DGKD: variants seen among roughly 807,000 people sequenced by gnomAD.
DGKD encodes DAG kinase delta.
In DGKD, 68 loss-of-function variants were observed where a neutral mutation model predicts 154.4. The ratio of observed to expected loss-of-function variants is 0.44; its 90% confidence interval spans 0.36 to 0.54. The LOEUF (loss-of-function observed/expected upper bound fraction) is 0.54, where lower values mean the gene tolerates loss of function less well. DGKD is among the 20% of genes least tolerant of loss of function. The pLI, the probability that DGKD is intolerant of heterozygous loss-of-function variation, is 0.00. For missense variants in DGKD, 1,343 were observed against 1,593.6 expected (o/e 0.84, Z 2.68); for synonymous variants, 693 against 638.0 (o/e 1.09, Z -1.30).
intron 10 of DGKD, among the ~76,000 whole-genome samples, chr2:233,443,930 G>A (rs992345182): frequency 6.6e-6 from 1 of 152,152 alleles, no homozygotes; most frequent in Non-Finnish European, 1.5e-5. Flanking sequence ...CCGCCTCGGG[G>A]TTTCTTGTCT....
intron 3 of DGKD, among the ~76,000 whole-genome samples, chr2:233,396,090 C>T (rs571630030): frequency 4.6e-5 from 7 of 152,228 alleles, no homozygotes; most frequent in South Asian, 2.1e-4. Flanking sequence ...TAGTGAGCTC[C>T]GAGAACATAG....
At chr2:233,355,623 G>C (rs548814097) in intron 1 of DGKD, among the ~76,000 whole-genome samples, 59 of 152,316 alleles carry the variant, frequency 3.9e-4, no homozygotes, top group African/African-American at 1.4e-3. Context: ...TGATACCTGC[G>C]ATGGGGGAAC....
intron 3 of DGKD, among the ~76,000 whole-genome samples, chr2:233,418,727 C>T (rs904002003): frequency 5.3e-5 from 8 of 152,096 alleles, no homozygotes; most frequent in Non-Finnish European, 1.0e-4. Context: ...CCCCCTCCTT[C>T]CCCCCAAAGC....
intron 3 of DGKD, among the ~76,000 whole-genome samples, chr2:233,401,258 A>T (rs761845884): frequency 4.6e-5 from 7 of 152,114 alleles, no homozygotes; most frequent in Non-Finnish European, 1.0e-4. Flanking sequence ...TGTAGGCATG[A>T]TATATGTGTT....
rs1219942720 is a variant in DGKD at position 233,441,782 on chromosome 2, G to C, written c.1086-105G>C. 19 of 1,032,024 alleles carry C rather than the reference G, an allele frequency of 1.8e-5. No homozygotes were observed. In the African/African-American group the frequency reaches 2.7e-4, roughly 15 times the overall value. The allele number at this position is 1,032,024 out of a possible 1,614,324, so 63.9% of individuals were successfully genotyped here. A position where few individuals can be genotyped will look rare whatever the true frequency, so the allele number is the denominator to read the frequency against. ...TGTGCGTGCTCTGCCTCTGGTGCAG[G>C]TCAGCCATGAGGAGCACAGGTGGCC... On this transcript the variant is annotated intron_variant, in intron 9 of 29. Transcript: ENST00000264057. The surrounding 1 kb of genome is among the most constrained non-coding windows in gnomAD (Gnocchi z 5.6).
intron 3 of DGKD, chr2:233,419,220 C>T (rs1214933055): frequency 2.0e-6 from 2 of 985,582 alleles, no homozygotes; most frequent in Non-Finnish European, 2.4e-6. Context: ...TCATCCTGCC[C>T]CCAGCACCGT....
chr2:233,360,757 A>G (rs189138287), intron 1 of DGKD, among the ~76,000 whole-genome samples: 52 of 152,296 alleles, frequency 3.4e-4, no homozygotes, highest in Non-Finnish European at 5.9e-4. Flanking sequence ...TGGTTTCTTT[A>G]TAAGAGGAAG....
Position 233,449,487 on chromosome 2 carries a change from G to A in DGKD, c.1888+111G>A. 1 of 1,405,380 alleles carries A rather than the reference G, an allele frequency of 7.1e-7. No individual in the cohort carries two copies. The highest frequency in any genetic ancestry group is 2.5e-5 in the East Asian group (1 of 39,922). 87.1% of individuals were successfully genotyped at this position (1,405,380 alleles called of 1,614,324 possible). ...GGTGCATGTTGAGAAAACCTCCACT[G>A]CGGCCCTCTCCACCCATGTCCAGGC... On this transcript the variant is annotated intron_variant, in intron 15 of 29. Coordinates refer to ENST00000264057, the MANE Select transcript of DGKD (RefSeq NM_152879.3). The surrounding 1 kb of genome is among the most constrained non-coding windows in gnomAD (Gnocchi z 5.3).
intron 10 of DGKD, among the ~76,000 whole-genome samples, chr2:233,443,379 GATTATTGTTAC>G (rs531805984): frequency 6.6e-6 from 1 of 151,976 alleles, no homozygotes; most frequent in Non-Finnish European, 1.5e-5. Flanking sequence ...GGTGTGTGAG[GATTATTGTTAC>G]ATTAACTTCT....
chr2:233,435,981 C>T (rs1259956630), intron 6 of DGKD, 57 bp downstream of exon 6: 5 of 1,498,650 alleles, frequency 3.3e-6, no homozygotes, highest in African/African-American at 1.4e-5. Context: ...ACCTGCACGG[C>T]CCCATGCAAG....
intron 3 of DGKD, among the ~76,000 whole-genome samples, chr2:233,411,707 T>G (rs1027039405): frequency 3.3e-5 from 5 of 152,192 alleles, no homozygotes; most frequent in Admixed American, 1.3e-4. Context: ...AAATGGCTCA[T>G]TCTTCTAGTA....
At position 233,469,698 on chromosome 2, in the gene DGKD, C is replaced by T. The variant is rs772425160; in HGVS notation, c.*238C>T. The T allele has an allele frequency of 3.8e-6, 2 of 532,278 alleles. 1 individual carries two copies. The highest frequency in any genetic ancestry group is 4.7e-5 in the South Asian group (2 of 42,856). 33.0% of individuals were successfully genotyped at this position (532,278 alleles called of 1,614,324 possible). On this transcript the variant is annotated 3_prime_UTR_variant, in exon 30 of 30. Transcript: ENST00000264057. ...GCTACCTTTGAAACAACACTTTCTC[C>T]AGCTCAGAGTCACCTGGGGCACATG... is the stretch of plus-strand genomic sequence containing the variant.
At chr2:233,450,166 G>A (rs943290358) in intron 16 of DGKD, 35 bp downstream of exon 16, 10 of 1,567,658 alleles carry the variant, frequency 6.4e-6, no homozygotes, top group Admixed American at 5.5e-5. Context: ...GCGCACCGTC[G>A]TGTGCTTGGT....
At position 233,469,465 on chromosome 2, in the gene DGKD, T is replaced by C. The variant is rs1212132298; in HGVS notation, c.*5T>C. ...GCCCCCGCCGTCGAGGCCTAGCCTC[T>C]GTCCTCTCAGCCTGTGGCCTCCACA... On this transcript the variant is annotated 3_prime_UTR_variant, in exon 30 of 30. Coordinates refer to ENST00000264057, the MANE Select transcript of DGKD (RefSeq NM_152879.3). 3 of 1,591,782 alleles carry C rather than the reference T, an allele frequency of 1.9e-6. No homozygotes were observed. Among genetic ancestry groups the C allele is most frequent in the Non-Finnish European group, 2.6e-6 (3 of 1,170,168 alleles).
At chr2:233,436,786 C>T (rs904699559) in intron 7 of DGKD, among the ~76,000 whole-genome samples, 1 of 152,242 alleles carries the variant, frequency 6.6e-6, no homozygotes, top group Admixed American at 6.5e-5. Context: ...GCTGTAGAGG[C>T]CATTTGGAGC....
At position 233,439,157 on chromosome 2, in the gene DGKD, G is replaced by A. The variant is rs966655635; in HGVS notation, c.1085+778G>A. Among the ~76,000 whole-genome samples the A allele has an allele frequency of 5.9e-5, 9 of 152,226 alleles. No homozygotes were observed. The East Asian group carries it at 9.6e-4, about 16-fold the overall frequency. Reference sequence around the variant, plus strand: ...CCTCTGGAAGCATCAGTTCCAGGTCGGAGCTCTAAGAGGACTTGCTGGCAC... The same window carrying A: ...CCTCTGGAAGCATCAGTTCCAGGTCAGAGCTCTAAGAGGACTTGCTGGCAC... On this transcript the variant is annotated intron_variant, in intron 9 of 29. Transcript: ENST00000264057.
rs749407841 is a variant in DGKD at position 233,451,979 on chromosome 2, T to C, written c.2183T>C (p.Met728Thr). Reference protein sequence around the residue: ...KILYPNVRAGMSGSLPGGSVI... With the variant: ...KILYPNVRAGTSGSLPGGSVI... Reference sequence around the variant, plus strand: ...TCCTTTACAGATGTCCGGGCTGGAATGTCTGGTTCCTTACCCGGTGGCTCA... The same window carrying C: ...TCCTTTACAGATGTCCGGGCTGGAACGTCTGGTTCCTTACCCGGTGGCTCA... Residue 728 changes from methionine (M) to threonine (T), a missense_variant, in exon 18 of 30, where the codon ATG becomes ACG. By Grantham distance (81) the Met-to-Thr change is moderately conservative. Coordinates refer to ENST00000264057, the MANE Select transcript of DGKD (RefSeq NM_152879.3). 1.9e-6 allele frequency: 3 copies of C among 1,614,026 alleles called. No individual in the cohort carries two copies. The highest frequency in any genetic ancestry group is 2.5e-6 in the Non-Finnish European group (3 of 1,179,898).
rs781486741 is a variant in DGKD at position 233,451,964 on chromosome 2, A to G, written c.2168A>G (p.Asn723Ser). 1.9e-5 allele frequency: 31 copies of G among 1,613,872 alleles called. No individual in the cohort carries two copies. The highest frequency in any genetic ancestry group is 2.6e-5 in the Non-Finnish European group (31 of 1,179,820). Residue 723 changes from asparagine to serine, a missense_variant and splice_region_variant, in exon 18 of 30, where the codon AAT (asparagine) becomes AGT (serine). By Grantham distance (46) the Asn-to-Ser change is conservative (BLOSUM62 1). Coordinates refer to ENST00000264057, the MANE Select transcript of DGKD (RefSeq NM_152879.3). ...CCTCTTTCTTGTATCTCCTTTACAG[A>G]TGTCCGGGCTGGAATGTCTGGTTCC... is the stretch of plus-strand genomic sequence containing the variant. ...PALNTKILYP[N>S]VRAGMSGSLP...
chr2:233,442,449 A>G (rs1038421213), intron 10 of DGKD: 2 of 297,294 alleles, frequency 6.7e-6, no homozygotes, highest in Non-Finnish European at 1.3e-5. Context: ...AAATGTTCAT[A>G]TAGTCATTTA....
Sources: gnomAD v4.1 joint callset for allele counts (sites outside exome capture counted in the v4.1 genomes callset) on GRCh38, gnomAD v4.1.1 for gene constraint, Gnocchi (gnomAD v3.1) non-coding constraint, MANE v1.5 for transcripts, NCBI Gene and HGNC (gene_info 2026-07-23, HGNC 2026-07-21) for gene names.